The following CEP295 variants were observed in gnomAD, a reference collection of about 807,000 sequenced individuals.
CEP295 encodes centrosomal protein of 295 kDa.
CEP295 carries 190 observed loss-of-function variants against 291.6 expected under a neutral mutation model. That is an observed-to-expected ratio of 0.65 (90% CI 0.58 to 0.73). The LOEUF is 0.73. Among genes scored for constraint, CEP295 ranks in the 30% least tolerant of loss-of-function variants. CEP295 has a pLI of 0.00. For missense variants in CEP295, 2,863 were observed against 2,949.4 expected, an observed-to-expected ratio of 0.97 and a Z score of 0.68; for synonymous variants, 993 against 1,038.8, an observed-to-expected ratio of 0.96 and a Z score of 0.85.
At position 93,706,824 on chromosome 11, in the gene CEP295, G is replaced by T. The variant is rs1952541474; in HGVS notation, c.5676G>T (p.Leu1892=). 1 of 1,550,574 alleles carries T rather than the reference G, an allele frequency of 6.4e-7. No homozygotes were observed. Among genetic ancestry groups the T allele is most frequent in the Non-Finnish European group, 8.7e-7 (1 of 1,146,492 alleles). ...SREQSFFGSP[L]AHDPFSCLQL... is the part of the protein sequence containing the mutation. ...AACAAAGTTTCTTTGGGAGCCCACT[G>T]GCCCATGATCCGTTTAGTTGTCTTC... is the stretch of plus-strand genomic sequence containing the variant. The change falls in exon 18 of 30, where the codon CTG becomes CTT. Residue 1892 remains leucine, a synonymous_variant. Transcript: ENST00000325212.
Position 93,730,095 on chromosome 11 carries a change from A to G in CEP295, c.7714A>G (p.Thr2572Ala). The change falls in exon 29 of 30, where the codon ACA becomes GCA. Residue 2572 changes from threonine to alanine, a missense_variant. Coordinates refer to ENST00000325212, the MANE Select transcript of CEP295 (RefSeq NM_033395.2). Reference sequence around the variant, plus strand: ...AGTGAAACAACAAAAGGAAGAAAAAACAAAACAAGAAGCTTATGCCCAAAA... The same window carrying G: ...AGTGAAACAACAAAAGGAAGAAAAAGCAAAACAAGAAGCTTATGCCCAAAA... ...AEVKQQKEEKTKQEAYAQNRA... is the reference protein window; with the variant it reads ...AEVKQQKEEKAKQEAYAQNRA... 6.4e-7 allele frequency: 1 copy of G among 1,551,282 alleles called. No individual in the cohort carries two copies.
intron 6 of CEP295, 30 bp downstream of exon 6, chr11:93,675,696 C>T (rs908572605): frequency 2.6e-5 from 28 of 1,094,698 alleles, no homozygotes; most frequent in Admixed American, 1.4e-4. Context: ...TTCATGCCCT[C>T]GCTTTATTAT....
In CEP295 at chr11:93,727,052, T is replaced by C; in HGVS notation, c.6576T>C (p.Ser2192=). 6.4e-7 allele frequency: 1 copy of C among 1,551,804 alleles called. No homozygotes were observed. Among genetic ancestry groups the C allele is most frequent in the Non-Finnish European group, 8.7e-7 (1 of 1,146,846 alleles). The change falls in exon 24 of 30, where the codon AGT becomes AGC. Residue 2192 remains serine (S), a synonymous_variant. Transcript: ENST00000325212. ...AGAGCCAGCATGCTGATCTACCAAG[T>C]ATTTTTAGCATTGAAGCAAGAGATT... The part of the protein sequence containing the change: ...QEESQHADLP[S]IFSIEARDSS...
At chr11:93,720,337 G>A (rs1333479795) in intron 18 of CEP295, among the ~76,000 whole-genome samples, 2 of 152,014 alleles carry the variant, frequency 1.3e-5, no homozygotes, top group Admixed American at 6.6e-5. Context: ...GCCAGGCATG[G>A]TGGTGTGTGC....
chr11:93,689,474 G>T, intron 10 of CEP295, among the ~76,000 whole-genome samples: 1 of 152,058 alleles, frequency 6.6e-6, no homozygotes, highest in African/African-American at 2.4e-5. Flanking sequence ...TAATCTTTTT[G>T]ACTAGACTTC....
At chr11:93,692,073 G>A in intron 12 of CEP295, 43 bp downstream of exon 12, 2 of 1,076,716 alleles carry the variant, frequency 1.9e-6, no homozygotes, top group Non-Finnish European at 2.7e-6. Context: ...TTTCCCCTAG[G>A]TACTATTATA....
rs1409428754 is a variant in CEP295, at chr11:93,661,741, C to T, written c.-60C>T. ...GCTTACCAGGCTGGCTTGCTCTGAGCTGCGGTTACTGTGTCCAGGCCCCGG... is the reference window on the plus strand; with the variant it reads ...GCTTACCAGGCTGGCTTGCTCTGAGTTGCGGTTACTGTGTCCAGGCCCCGG... On this transcript the variant is annotated 5_prime_UTR_variant, in exon 1 of 30. Transcript: ENST00000325212. 1 of 152,752 alleles carries T rather than the reference C, an allele frequency of 6.5e-6. No homozygotes were observed. The highest frequency in any genetic ancestry group is 2.4e-5 in the African/African-American group (1 of 41,458). The allele number at this position is 152,752 out of a possible 1,614,324, so 9.5% of individuals were successfully genotyped here.
rs991129023 is a variant in CEP295 at position 93,727,436 on chromosome 11, C to G, written c.6960C>G (p.Asp2320Glu). Residue 2320 changes from aspartate (D) to glutamate (E), a missense_variant, in exon 24 of 30, where the codon GAC becomes GAG. Physicochemically the swap from Asp to Glu is conservative, Grantham distance 45. This residue lies in a region of CEP295 where 2,295 missense variants were observed against 2,335.7 expected (regional missense o/e 0.98). Coordinates refer to ENST00000325212, the MANE Select transcript of CEP295 (RefSeq NM_033395.2). ...LDINPQVEET[D>E]SRLCVRTVEM... ...TAAATCCACAGGTAGAGGAAACTGA[C>G]TCTCGATTATGTGTAAGAACAGTGG... 2 of 1,551,720 alleles carry G rather than the reference C, an allele frequency of 1.3e-6. No individual in the cohort carries two copies. Among genetic ancestry groups the G allele is most frequent in the African/African-American group, 2.7e-5 (2 of 73,046 alleles).
chr11:93,722,883 G>A (rs1953848440), intron 20 of CEP295, 158 bp from the exon 21 acceptor site: 1 of 553,626 alleles, frequency 1.8e-6, no homozygotes, highest in Non-Finnish European at 3.2e-6. Flanking sequence ...GCTGATTTTT[G>A]TATTTTTAGT....
intron 6 of CEP295, among the ~76,000 whole-genome samples, chr11:93,678,661 C>T (rs148173209): frequency 1.7e-4 from 26 of 152,240 alleles, no homozygotes; most frequent in Admixed American, 8.5e-4. Flanking sequence ...GATGTGGTAG[C>T]TTACGCCTGT....
Position 93,696,971 on chromosome 11 carries a change from G to A in CEP295, c.2059G>A (p.Val687Met). The change falls in exon 15 of 30, where the codon GTG (valine) becomes ATG (methionine). Residue 687 changes from valine (V) to methionine (M), a missense_variant. Val to Met is a conservative substitution (Grantham distance 21). Coordinates refer to ENST00000325212, the MANE Select transcript of CEP295 (RefSeq NM_033395.2). ...ARQNHFPQRQVETTETLRASD... is the reference protein window; with the variant it reads ...ARQNHFPQRQMETTETLRASD... ...ACAAAATCACTTTCCACAAAGACAG[G>A]TGGAAACAACAGAAACATTACGCGC... 6.4e-7 allele frequency: 1 copy of A among 1,551,850 alleles called. No individual in the cohort carries two copies. Among genetic ancestry groups the A allele is most frequent in the African/African-American group, 1.4e-5 (1 of 73,170 alleles).
At chr11:93,679,573 A>G (rs1017746993) in intron 7 of CEP295, 21 bp downstream of exon 7, 2 of 1,547,426 alleles carry the variant, frequency 1.3e-6, no homozygotes, top group Admixed American at 4.0e-5. Flanking sequence ...TATTCTACCC[A>G]TGACCATTAC....
intron 1 of CEP295, among the ~76,000 whole-genome samples, chr11:93,662,268 A>G (rs1950027243): frequency 6.6e-6 from 1 of 152,238 alleles, no homozygotes; most frequent in African/African-American, 2.4e-5. Flanking sequence ...AGTCCTTAAT[A>G]CTTAGAGTGT....
intron 9 of CEP295, among the ~76,000 whole-genome samples, chr11:93,684,800 A>G (rs1200474531): frequency 1.3e-5 from 2 of 152,182 alleles, no homozygotes; most frequent in Non-Finnish European, 2.9e-5. Flanking sequence ...CTTATTTGGC[A>G]TCTTGAACCT....
chr11:93,728,812 CTTCT>C lies in CEP295; in HGVS notation c.7297_7300del (p.Phe2433ArgfsTer2). ...AGAAGAGCGAGAATGAAGCAAAATGCTTCTTTCAGGTAAATTTAAGCTTTCCTTC... is the reference window on the plus strand; with the variant it reads ...AGAAGAGCGAGAATGAAGCAAAATGCTTCAGGTAAATTTAAGCTTTCCTTC... On this transcript the variant is annotated frameshift_variant, in exon 25 of 30. Transcript: ENST00000325212. LOFTEE classifies it high-confidence loss of function. 1 of 1,538,030 alleles carries C rather than the reference CTTCT, an allele frequency of 6.5e-7. No homozygotes were observed. Among genetic ancestry groups the C allele is most frequent in the Non-Finnish European group, 8.7e-7 (1 of 1,143,754 alleles).
intron 18 of CEP295, among the ~76,000 whole-genome samples, chr11:93,714,735 G>C (rs1301924103): frequency 1.3e-5 from 2 of 152,196 alleles, no homozygotes; most frequent in Non-Finnish European, 2.9e-5. Flanking sequence ...ACTCATAGAG[G>C]TACTGCCTTG....
At chr11:93,712,718 C>T (rs768907139) in intron 18 of CEP295, among the ~76,000 whole-genome samples, 15 of 152,088 alleles carry the variant, frequency 9.9e-5, no homozygotes, top group Non-Finnish European at 2.1e-4. Flanking sequence ...CATTCAGCCA[C>T]ACTATGTCTT....
At chr11:93,723,434 G>A (rs1457688272) in intron 21 of CEP295, 145 bp downstream of exon 21, 3 of 613,698 alleles carry the variant, frequency 4.9e-6, no homozygotes, top group Non-Finnish European at 8.4e-6. Context: ...ATATATTGAG[G>A]GCATTTAGTG....
In CEP295 at chr11:93,728,906, T is replaced by C. The variant is rs918204272; in HGVS notation, c.7302+85T>C. 8.2e-5 allele frequency: 102 copies of C among 1,241,492 alleles called. 2 individuals are homozygous for C. In the South Asian group the frequency reaches 1.5e-3, roughly 19 times the overall value. 76.9% of individuals were successfully genotyped at this position (1,241,492 alleles called of 1,614,324 possible). On this transcript the variant is annotated intron_variant, in intron 25 of 29. Transcript: ENST00000325212. ...TTACAACTTATCAGAAGGTACTCAT[T>C]GGAGGGAATTATGCTATGCATTTAA...
Sources: gnomAD v4.1 joint callset for allele counts (sites outside exome capture counted in the v4.1 genomes callset) on GRCh38, gnomAD v4.1.1 for gene constraint, gnomAD v4.1.1 regional missense constraint, MANE v1.5 for transcripts, NCBI Gene and HGNC (gene_info 2026-07-23, HGNC 2026-07-21) for gene names.